DOCK1: variants seen among roughly 807,000 people sequenced by gnomAD.
DOCK1 encodes the protein dedicator of cytokinesis 1, also known as dedicator of cytokinesis protein 1.
In DOCK1, 138 loss-of-function variants were observed where a neutral mutation model predicts 262.7. That is an observed-to-expected ratio of 0.53 (90% confidence interval 0.46 to 0.61). The LOEUF (loss-of-function observed/expected upper bound fraction) is 0.61. Ranked by LOEUF, DOCK1 falls within the 20% of genes least tolerant of loss-of-function variation. The pLI is 0.00. For missense variants in DOCK1, 1,908 were observed against 2,370.7 expected (o/e 0.80, Z 4.05); for synonymous variants, 866 against 867.4 (o/e 1.00, Z 0.03).
rs183735693 is a variant in DOCK1, at chr10:127,379,243, T to C, written c.3676-839T>C. On this transcript the variant is annotated intron_variant, in intron 35 of 51. Transcript: ENST00000623213. Reference sequence around the variant, plus strand: ...GAGATGTTCACCTTAAGAAATATAATTTTGATAGAAATGTTATTGCTCAAC... The same window carrying C: ...GAGATGTTCACCTTAAGAAATATAACTTTGATAGAAATGTTATTGCTCAAC... Among the ~76,000 whole-genome samples the C allele has an allele frequency of 3.9e-3, 596 of 152,368 alleles. 7 individuals are homozygous for C. Among genetic ancestry groups the C allele is most frequent in the Admixed American group, 8.1e-3 (124 of 15,300 alleles).
chr10:127,195,111 T>A (rs1346632569), intron 27 of DOCK1, among the ~76,000 whole-genome samples: 9 of 152,172 alleles, frequency 5.9e-5, no homozygotes, highest in Admixed American at 5.9e-4. Context: ...GGCATATTTT[T>A]GGGTAGTAGA....
chr10:126,917,896 C>T (rs1212138600), intron 1 of DOCK1, among the ~76,000 whole-genome samples: 1 of 152,146 alleles, frequency 6.6e-6, no homozygotes, highest in African/African-American at 2.4e-5. Flanking sequence ...TTTCCTTCTT[C>T]AGTTCCTTAG....
intron 48 of DOCK1, among the ~76,000 whole-genome samples, chr10:127,433,887 A>G (rs1287364488): frequency 6.7e-6 from 1 of 149,828 alleles, no homozygotes; most frequent in Non-Finnish European, 1.5e-5. Flanking sequence ...AGTGTATTTC[A>G]TGTGTGGCCC....
At chr10:126,941,107 C>T (rs1016020659) in intron 1 of DOCK1, among the ~76,000 whole-genome samples, 32 of 152,210 alleles carry the variant, frequency 2.1e-4, no homozygotes, top group African/African-American at 7.2e-4. Context: ...GGGAGGATGA[C>T]ATTCTTCATA....
intron 29 of DOCK1, among the ~76,000 whole-genome samples, chr10:127,275,931 A>C (rs576628253): frequency 6.6e-6 from 1 of 152,348 alleles, no homozygotes; most frequent in South Asian, 2.1e-4. Context: ...TTTCCCCGCT[A>C]ATGCCCACGC....
intron 1 of DOCK1, among the ~76,000 whole-genome samples, chr10:126,921,330 G>A (rs1181310126): frequency 3.3e-5 from 5 of 152,056 alleles, no homozygotes; most frequent in Admixed American, 6.6e-5. Flanking sequence ...ACAAAACATG[G>A]TATGTCCCTA....
intron 29 of DOCK1, among the ~76,000 whole-genome samples, chr10:127,336,801 A>C (rs2063220433): frequency 6.6e-6 from 1 of 152,160 alleles, no homozygotes; most frequent in Non-Finnish European, 1.5e-5. Context: ...GGCCTCCCAA[A>C]GTGCTGGGAT....
At position 127,433,290 on chromosome 10, in the gene DOCK1, G is replaced by C. The variant is rs1290955727; in HGVS notation, c.4922G>C (p.Ser1641Thr). Reference sequence around the variant, plus strand: ...TCTCTTTCTCGCTCTCAGCCCTCAAGTCTGGATGATAGAAGAGGCAGCCGC... The same window carrying C: ...TCTCTTTCTCGCTCTCAGCCCTCAACTCTGGATGATAGAAGAGGCAGCCGC... ...KEYGVRIMPS[S>T]LDDRRGSRPR... Residue 1641 changes from serine to threonine, a missense_variant, in exon 48 of 52, where the codon AGT becomes ACT. Coordinates refer to ENST00000623213, the MANE Select transcript of DOCK1 (RefSeq NM_001290223.2). The C allele has an allele frequency of 1.2e-6, 2 of 1,613,984 alleles. No individual in the cohort carries two copies. Among genetic ancestry groups the C allele is most frequent in the Non-Finnish European group, 1.7e-6 (2 of 1,179,884 alleles).
chr10:127,417,343 C>T (rs2068219380), intron 44 of DOCK1, among the ~76,000 whole-genome samples: 1 of 152,192 alleles, frequency 6.6e-6, no homozygotes, highest in African/African-American at 2.4e-5. Flanking sequence ...TAGGGCTGAG[C>T]TGGAGGGCAC....
At chr10:127,259,466 C>T (rs372298274) in intron 29 of DOCK1, among the ~76,000 whole-genome samples, 2 of 152,196 alleles carry the variant, frequency 1.3e-5, no homozygotes, top group Non-Finnish European at 2.9e-5. Context: ...TCAAAAACCC[C>T]GCTGTCCTGG....
chr10:127,240,404 T>A (rs2059223461), intron 27 of DOCK1, among the ~76,000 whole-genome samples: 1 of 152,040 alleles, frequency 6.6e-6, no homozygotes. Flanking sequence ...GAATTCATCT[T>A]TAAATGAAAA....
chr10:127,183,291 T>A (rs2055914258), intron 27 of DOCK1, among the ~76,000 whole-genome samples: 1 of 152,106 alleles, frequency 6.6e-6, no homozygotes, highest in Non-Finnish European at 1.5e-5. Context: ...ATGGAAGTCA[T>A]TTAGAGTTGA....
intron 1 of DOCK1, among the ~76,000 whole-genome samples, chr10:126,959,311 C>T (rs1325081873): frequency 6.6e-6 from 1 of 152,188 alleles, no homozygotes; most frequent in Non-Finnish European, 1.5e-5. Flanking sequence ...CCCCACAAAA[C>T]AGCTTTGCAG....
intron 27 of DOCK1, among the ~76,000 whole-genome samples, chr10:127,166,960 T>C (rs528916557): frequency 5.3e-5 from 8 of 152,146 alleles, no homozygotes; most frequent in Non-Finnish European, 1.0e-4. Flanking sequence ...TATTTTGGCA[T>C]TCTGCACAGG....
intron 27 of DOCK1, among the ~76,000 whole-genome samples, chr10:127,236,411 T>C (rs1000361074): frequency 7.2e-6 from 1 of 138,726 alleles, no homozygotes; most frequent in African/African-American, 2.6e-5. Context: ...TCCTCCTTCC[T>C]TCCCTTCCTT....
At chr10:127,191,836 T>C (rs1263228133) in intron 27 of DOCK1, among the ~76,000 whole-genome samples, 1 of 152,152 alleles carries the variant, frequency 6.6e-6, no homozygotes, top group Non-Finnish European at 1.5e-5. Context: ...AACCCCTGCT[T>C]TGGGATATAG....
At chr10:127,127,005 C>T (rs1013690203) in intron 26 of DOCK1, among the ~76,000 whole-genome samples, 10 of 152,194 alleles carry the variant, frequency 6.6e-5, no homozygotes, top group Non-Finnish European at 1.2e-4. Context: ...CAAAGGCCAG[C>T]CTCCAGTGGT....
chr10:127,195,523 T>TCCC (rs144810960), intron 27 of DOCK1, among the ~76,000 whole-genome samples: 1,999 of 148,114 alleles, frequency 0.013, 11 homozygotes, highest in Non-Finnish European at 0.021. Context: ...TTCCAACTCA[T>TCCC]CCCCCCCCCG....
At chr10:127,262,095 T>C (rs2135061304) in intron 29 of DOCK1, among the ~76,000 whole-genome samples, 1 of 137,174 alleles carries the variant, frequency 7.3e-6, no homozygotes, top group Non-Finnish European at 1.6e-5. Flanking sequence ...TGTGTACCCG[T>C]GCTCCTCTGT....
Sources: gnomAD v4.1 joint callset for allele counts (sites outside exome capture counted in the v4.1 genomes callset) on GRCh38, gnomAD v4.1.1 for gene constraint, MANE v1.5 for transcripts, NCBI Gene and HGNC (gene_info 2026-07-23, HGNC 2026-07-21) for gene names.